The following ATRNL1 variants were observed in gnomAD, a reference collection of about 807,000 sequenced individuals.
ATRNL1 encodes the protein attractin like 1, also known as attractin-like protein 1.
A neutral mutation model predicts 182.7 loss-of-function variants in ATRNL1; 95 were observed. That is an observed-to-expected ratio of 0.52 (90% CI 0.44 to 0.62). The LOEUF (loss-of-function observed/expected upper bound fraction) is 0.62, where lower values mean the gene tolerates loss of function less well. ATRNL1 is among the 20% of genes least tolerant of loss of function. The probability of loss-of-function intolerance (pLI) is 0.00; values close to 1 mark genes in which losing one functional copy is unlikely to be tolerated. For missense variants in ATRNL1, 1,471 were observed against 1,679.5 expected (o/e 0.88, Z 2.17); for synonymous variants, 576 against 568.3 (o/e 1.01, Z -0.19).
chr10:115,441,840 C>G (rs868983124), intron 21 of ATRNL1, among the ~76,000 whole-genome samples: 2 of 151,874 alleles, frequency 1.3e-5, no homozygotes, highest in African/African-American at 4.8e-5. Context: ...ATTCCAAAGA[C>G]TTCTTTGAGC....
chr10:115,269,404 G>C (rs1851744685), intron 13 of ATRNL1, among the ~76,000 whole-genome samples: 1 of 151,996 alleles, frequency 6.6e-6, no homozygotes, highest in African/African-American at 2.4e-5. Context: ...GCATGATCTC[G>C]GTTCACTGCA....
intron 1 of ATRNL1, chr10:115,096,622 A>C (rs781984884): frequency 6.6e-5 from 84 of 1,275,406 alleles, no homozygotes; most frequent in Non-Finnish European, 8.2e-5. Context: ...CTCCATGGTA[A>C]CTTAGCTTTT....
At chr10:115,194,177 A>G (rs558687582) in intron 8 of ATRNL1, among the ~76,000 whole-genome samples, 3 of 152,000 alleles carry the variant, frequency 2.0e-5, no homozygotes, top group Non-Finnish European at 4.4e-5. Flanking sequence ...TTGTGCAGCT[A>G]TTAGATGAAA....
chr10:115,511,360 C>G (rs765228655), intron 24 of ATRNL1, among the ~76,000 whole-genome samples: 34 of 151,848 alleles, frequency 2.2e-4, no homozygotes, highest in Non-Finnish European at 3.7e-4. Flanking sequence ...CCTGAAACAG[C>G]CCGATTGTCT....
intron 19 of ATRNL1, among the ~76,000 whole-genome samples, chr10:115,362,300 A>T (rs1162086121): frequency 1.3e-5 from 2 of 152,084 alleles, no homozygotes; most frequent in African/African-American, 4.8e-5. Flanking sequence ...ATAAATAAAA[A>T]TGTAAGTTAA....
At chr10:115,631,645 C>T in intron 26 of ATRNL1, among the ~76,000 whole-genome samples, 1 of 151,962 alleles carries the variant, frequency 6.6e-6, no homozygotes, top group East Asian at 1.9e-4. Context: ...TGATACCACA[C>T]CTTGAGGAGT....
chr10:115,939,027 G>A (rs113398653), intron 28 of ATRNL1, among the ~76,000 whole-genome samples: 1 of 152,232 alleles, frequency 6.6e-6, no homozygotes, highest in South Asian at 2.1e-4. Flanking sequence ...CACAAAAAAA[G>A]ATGGTAAGTT....
At position 115,528,025 on chromosome 10, in the gene ATRNL1, CCCTCCTTCCTTT is replaced by C. The variant is rs1259354407; in HGVS notation, c.3716+8703_3716+8714del. Among the ~76,000 whole-genome samples the C allele has an allele frequency of 3.4e-3, 208 of 61,514 alleles. 3 individuals are homozygous for C. The highest frequency in any genetic ancestry group is 0.015 in the African/African-American group (191 of 12,992). The allele number at this position is 61,514 out of a possible 152,430, so 40.4% of individuals were successfully genotyped here. A position where few individuals can be genotyped will look rare whatever the true frequency, so the allele number is the denominator to read the frequency against. ...TCCTTCCTTCCTTCCTTCCTTCCTTCCCTCCTTCCTTTCTTCCTTCCTTCCTTCCTTCCTTCC... is the reference window on the plus strand; with the variant it reads ...TCCTTCCTTCCTTCCTTCCTTCCTTCCTTCCTTCCTTCCTTCCTTCCTTCC... On this transcript the variant is annotated intron_variant, in intron 25 of 28. Transcript: ENST00000355044.
chr10:115,223,528 A>T (rs1280078206), intron 9 of ATRNL1, among the ~76,000 whole-genome samples: 3 of 152,144 alleles, frequency 2.0e-5, no homozygotes, highest in Non-Finnish European at 4.4e-5. Flanking sequence ...AAACATAGTG[A>T]GATGTTTTTA....
chr10:115,162,622 T>C (rs1165343492), intron 6 of ATRNL1, among the ~76,000 whole-genome samples: 1 of 150,718 alleles, frequency 6.6e-6, no homozygotes, highest in African/African-American at 2.4e-5. Flanking sequence ...ATTGATGATA[T>C]ACTGGGGATT....
chr10:115,447,857 A>G (rs1049669627), intron 21 of ATRNL1, among the ~76,000 whole-genome samples: 1 of 151,992 alleles, frequency 6.6e-6, no homozygotes, highest in Non-Finnish European at 1.5e-5. Flanking sequence ...TTTATGCTCC[A>G]TCATGGTATA....
intron 19 of ATRNL1, among the ~76,000 whole-genome samples, chr10:115,336,632 T>C (rs151154490): frequency 0.012 from 1,890 of 152,350 alleles, 18 homozygotes; most frequent in Non-Finnish European, 0.021. Flanking sequence ...GTATGTTTTA[T>C]TTTACTTTTA....
At chr10:115,834,329 A>T (rs1555094727) in intron 27 of ATRNL1, among the ~76,000 whole-genome samples, 1 of 152,114 alleles carries the variant, frequency 6.6e-6, no homozygotes, top group African/African-American at 2.4e-5. Context: ...GAGCCATATT[A>T]TTTTAGATTC....
intron 27 of ATRNL1, among the ~76,000 whole-genome samples, chr10:115,835,206 T>C (rs1950642296): frequency 6.6e-6 from 1 of 152,120 alleles, no homozygotes; most frequent in South Asian, 2.1e-4. Flanking sequence ...ATTAATTAAT[T>C]ACTCATCTTC....
intron 27 of ATRNL1, among the ~76,000 whole-genome samples, chr10:115,728,374 G>A (rs969047828): frequency 2.0e-5 from 3 of 149,600 alleles, no homozygotes; most frequent in Admixed American, 6.7e-5. Flanking sequence ...GCATTATGAT[G>A]CATACTAATT....
chr10:115,587,481 G>T (rs532548375), intron 26 of ATRNL1, among the ~76,000 whole-genome samples: 1 of 151,714 alleles, frequency 6.6e-6, no homozygotes, highest in Non-Finnish European at 1.5e-5. Flanking sequence ...GTTTTAGCCC[G>T]TCGGAAAAGC....
intron 27 of ATRNL1, among the ~76,000 whole-genome samples, chr10:115,761,891 G>C (rs1026485391): frequency 6.6e-6 from 1 of 152,060 alleles, no homozygotes; most frequent in Non-Finnish European, 1.5e-5. Context: ...AAACAAAGTC[G>C]GGGCTCAACA....
At chr10:115,388,285 GA>G (rs1554953191) in intron 19 of ATRNL1, among the ~76,000 whole-genome samples, 2 of 152,046 alleles carry the variant, frequency 1.3e-5, no homozygotes, top group Admixed American at 1.3e-4. Flanking sequence ...TGTCTTCTGT[GA>G]TTTTGCTTTG....
chr10:115,785,750 C>T (rs548930162), intron 27 of ATRNL1, among the ~76,000 whole-genome samples: 79 of 152,296 alleles, frequency 5.2e-4, no homozygotes, highest in Middle Eastern at 3.4e-3. Flanking sequence ...TTTTGCTTAA[C>T]AGTTTTTGCC....
Sources: allele counts gnomAD v4.1 joint callset (sites outside exome capture counted in the v4.1 genomes callset), GRCh38; gene constraint gnomAD v4.1.1; transcripts MANE v1.5; gene names NCBI Gene and HGNC (gene_info 2026-07-23, HGNC 2026-07-21).